VSTM2L: variants seen among roughly 807,000 people sequenced by gnomAD.
The protein encoded by VSTM2L is V-set and transmembrane domain-containing protein 2-like protein.
In VSTM2L, 9 loss-of-function variants were observed where a neutral mutation model predicts 19.9. The ratio of observed to expected loss-of-function variants is 0.45; its 90% confidence interval spans 0.27 to 0.79. The LOEUF (loss-of-function observed/expected upper bound fraction) is 0.79, where lower values mean the gene tolerates loss of function less well. Ranked by LOEUF, VSTM2L falls within the 30% of genes least tolerant of loss-of-function variation. The pLI is 0.15. For synonymous variants in VSTM2L, 127 were observed against 133.8 expected, an observed-to-expected ratio of 0.95 and a Z score of 0.35; for missense variants, 286 against 295.5, an observed-to-expected ratio of 0.97 and a Z score of 0.24.
Position 37,909,921 on chromosome 20 carries a change from T to C in VSTM2L, c.121+6450T>C, listed in dbSNP as rs528451592. On this transcript the variant is annotated intron_variant, in intron 1 of 3. Coordinates refer to ENST00000373461, the MANE Select transcript of VSTM2L (RefSeq NM_080607.3). ...TTCCCACTGCTCCAGAGAAGTGAGGTGGCAGTGGGGAGGCAGAGAGGGGCT... is the reference window on the plus strand; with the variant it reads ...TTCCCACTGCTCCAGAGAAGTGAGGCGGCAGTGGGGAGGCAGAGAGGGGCT... Among the ~76,000 whole-genome samples the C allele has an allele frequency of 7.6e-3, 1,164 of 152,230 alleles. 14 individuals carry two copies. Among genetic ancestry groups the C allele is most frequent in the African/African-American group, 0.026 (1,062 of 41,538 alleles).
intron 1 of VSTM2L, among the ~76,000 whole-genome samples, chr20:37,921,210 A>G (rs977975255): frequency 2.6e-5 from 4 of 152,224 alleles, no homozygotes; most frequent in Admixed American, 2.0e-4. Context: ...ACCTTTAGGC[A>G]GAGGACTACC....
At chr20:37,939,240 A>G (rs541056613) in intron 3 of VSTM2L, among the ~76,000 whole-genome samples, 1 of 152,134 alleles carries the variant, frequency 6.6e-6, no homozygotes, top group Non-Finnish European at 1.5e-5. Flanking sequence ...CCCCATCTCC[A>G]CAGAAAGATA....
At chr20:37,903,556 G>A in intron 1 of VSTM2L, 85 bp downstream of exon 1, 2 of 1,321,820 alleles carry the variant, frequency 1.5e-6, no homozygotes, top group Non-Finnish European at 9.6e-7. Flanking sequence ...CCCGGGGCTC[G>A]AACCGGCGCC....
Position 37,931,753 on chromosome 20 carries a change from T to C in VSTM2L, c.240T>C (p.Tyr80=), listed in dbSNP as rs1227259023. 6.2e-6 allele frequency: 10 copies of C among 1,613,816 alleles called. No individual in the cohort carries two copies. Among genetic ancestry groups the C allele is most frequent in the South Asian group, 3.3e-5 (3 of 91,084 alleles). Residue 80 remains tyrosine (Y), a synonymous_variant, in exon 2 of 4, where the codon TAT becomes TAC. Transcript: ENST00000373461. ...PSYSLEIQWW[Y]VRSHRDWTDK... is the part of the protein sequence containing the mutation. ...ACTCGCTGGAGATCCAGTGGTGGTA[T>C]GTACGGAGCCACCGGGACTGGACCG...
intron 1 of VSTM2L, among the ~76,000 whole-genome samples, chr20:37,926,823 C>T (rs2072881837): frequency 6.6e-6 from 1 of 152,216 alleles, no homozygotes; most frequent in African/African-American, 2.4e-5. Context: ...CTGAAGCTGG[C>T]AGAGCTCACT....
intron 1 of VSTM2L, among the ~76,000 whole-genome samples, chr20:37,930,506 A>G (rs1008789805): frequency 9.2e-5 from 14 of 152,156 alleles, no homozygotes; most frequent in Admixed American, 5.2e-4. Flanking sequence ...GCACGTTGCC[A>G]GGCGTCTTTC....
At chr20:37,938,590 G>A (rs986995080) in intron 3 of VSTM2L, among the ~76,000 whole-genome samples, 1 of 152,236 alleles carries the variant, frequency 6.6e-6, no homozygotes, top group African/African-American at 2.4e-5. Flanking sequence ...TGCAGTGCCC[G>A]GAAAAGCCTG....
chr20:37,924,535 CA>C (rs1270933711), intron 1 of VSTM2L, among the ~76,000 whole-genome samples: 1 of 119,128 alleles, frequency 8.4e-6, no homozygotes, highest in African/African-American at 3.3e-5. Flanking sequence ...GCCTGGGTAA[CA>C]AGAGTGAGAC....
At chr20:37,910,240 G>T (rs1364037051) in intron 1 of VSTM2L, among the ~76,000 whole-genome samples, 1 of 152,216 alleles carries the variant, frequency 6.6e-6, no homozygotes, top group Non-Finnish European at 1.5e-5. Context: ...ACTAATGGGG[G>T]TATTAAAAAA....
intron 3 of VSTM2L, among the ~76,000 whole-genome samples, chr20:37,936,506 A>G (rs1568842873): frequency 6.6e-6 from 1 of 152,118 alleles, no homozygotes; most frequent in Non-Finnish European, 1.5e-5. Flanking sequence ...GGACAGGCAT[A>G]TGTGATCAAA....
chr20:37,939,247 G>A (rs1049559774), intron 3 of VSTM2L, among the ~76,000 whole-genome samples: 36 of 151,988 alleles, frequency 2.4e-4, no homozygotes, highest in African/African-American at 8.5e-4. Context: ...TCCACAGAAA[G>A]ATACAAAAAT....
chr20:37,913,734 C>A (rs2072793484), intron 1 of VSTM2L, among the ~76,000 whole-genome samples: 1 of 152,166 alleles, frequency 6.6e-6, no homozygotes, highest in South Asian at 2.1e-4. Flanking sequence ...CAGAGTGGAG[C>A]TGCGCCTGGC....
At chr20:37,905,554 A>T (rs2122928883) in intron 1 of VSTM2L, among the ~76,000 whole-genome samples, 1 of 152,132 alleles carries the variant, frequency 6.6e-6, no homozygotes, top group East Asian at 1.9e-4. Flanking sequence ...AGAAGGAGGC[A>T]CCCCTAGTTG....
At chr20:37,904,858 G>A (rs370453754) in intron 1 of VSTM2L, among the ~76,000 whole-genome samples, 62 of 152,218 alleles carry the variant, frequency 4.1e-4, no homozygotes, top group East Asian at 2.3e-3. Context: ...ATGACTCCCC[G>A]CCCCCTTCTG....
rs374663785 is a variant in VSTM2L, at chr20:37,943,222, G to A, written c.343-759G>A. Among the ~76,000 whole-genome samples, 3 of 151,892 alleles carry A rather than the reference G, an allele frequency of 2.0e-5. No individual in the cohort carries two copies. In the South Asian group the frequency reaches 6.2e-4, roughly 32 times the overall value. ...TCAAACTCCTGACTTCAAGTGATCC[G>A]CCTCCCTCGGCCTCCCAAAGTGCTG... On this transcript the variant is annotated intron_variant, in intron 3 of 3. Transcript: ENST00000373461.
chr20:37,905,959 G>A (rs548922903), intron 1 of VSTM2L, among the ~76,000 whole-genome samples: 1 of 151,884 alleles, frequency 6.6e-6, no homozygotes, highest in South Asian at 2.1e-4. Flanking sequence ...TAGCAGATTG[G>A]GGCCTGATCA....
rs138297553 is a variant in VSTM2L at position 37,940,947 on chromosome 20, G to A, written c.343-3034G>A. 1.6e-3 allele frequency among the ~76,000 whole-genome samples: 246 copies of A among 152,278 alleles called. 2 individuals carry two copies. The highest frequency in any genetic ancestry group is 5.1e-3 in the African/African-American group (212 of 41,544). ...ATCCACTCACCTCCCACCAGGCCCCGCCCTCAACATGTGGGGATTACACTT... is the reference window on the plus strand; with the variant it reads ...ATCCACTCACCTCCCACCAGGCCCCACCCTCAACATGTGGGGATTACACTT... On this transcript the variant is annotated intron_variant, in intron 3 of 3. Coordinates refer to ENST00000373461, the MANE Select transcript of VSTM2L (RefSeq NM_080607.3).
chr20:37,929,079 G>A lies in VSTM2L; in HGVS notation c.122-2556G>A, dbSNP rs947151066. Among the ~76,000 whole-genome samples, 6 of 152,218 alleles carry A rather than the reference G, an allele frequency of 3.9e-5. No individual in the cohort carries two copies. In the South Asian group the frequency reaches 1.2e-3, roughly 32 times the overall value. On this transcript the variant is annotated intron_variant, in intron 1 of 3. Transcript: ENST00000373461. The stretch of plus-strand genomic sequence containing the variant: ...TGCTGATGATGGCGTTGGAGGGAAG[G>A]GTGGTTTGAAGTGCCGGGTTTAAAT...
In VSTM2L at chr20:37,903,220, G is replaced by C. The variant is rs2072731068; in HGVS notation, c.-131G>C. On this transcript the variant is annotated 5_prime_UTR_variant, in exon 1 of 4. Transcript: ENST00000373461. ...GGGCTGGGAGCTGGGCCGGGTCCGGGGACAGCGGGCGAGGGGCAGCTGCCG... is the reference window on the plus strand; with the variant it reads ...GGGCTGGGAGCTGGGCCGGGTCCGGCGACAGCGGGCGAGGGGCAGCTGCCG... 7 of 1,159,800 alleles carry C rather than the reference G, an allele frequency of 6.0e-6. No individual in the cohort carries two copies. The highest frequency in any genetic ancestry group is 6.5e-6 in the Non-Finnish European group (6 of 924,466). 71.8% of individuals were successfully genotyped at this position (1,159,800 alleles called of 1,614,324 possible). A position where few individuals can be genotyped will look rare whatever the true frequency, so the allele number is the denominator to read the frequency against.
Sources: allele counts gnomAD v4.1 joint callset (sites outside exome capture counted in the v4.1 genomes callset), GRCh38; gene constraint gnomAD v4.1.1; transcripts MANE v1.5; gene names NCBI Gene and HGNC (gene_info 2026-07-23, HGNC 2026-07-21).